ANKRD13A: variants seen among roughly 807,000 people sequenced by gnomAD.
The protein encoded by ANKRD13A is ankyrin repeat domain-containing protein 13A.
In ANKRD13A, 48 loss-of-function variants were observed where a neutral mutation model predicts 81.3. That is an observed-to-expected ratio of 0.59 (90% confidence interval 0.47 to 0.75). The LOEUF is 0.75. Ranked by LOEUF, ANKRD13A falls within the 30% of genes least tolerant of loss-of-function variation. The pLI, the probability that ANKRD13A is intolerant of heterozygous loss-of-function variation, is 0.00. For synonymous variants in ANKRD13A, 230 were observed against 270.1 expected (o/e 0.85, Z 1.45); for missense variants, 612 against 734.0 (o/e 0.83, Z 1.92).
chr12:110,007,917 T>A (rs1363683731), intron 1 of ANKRD13A, among the ~76,000 whole-genome samples: 2 of 152,228 alleles, frequency 1.3e-5, no homozygotes, highest in African/African-American at 4.8e-5. Flanking sequence ...TAATAGTTTT[T>A]TGGTGGATTC....
Position 110,012,052 on chromosome 12 carries a change from T to G in ANKRD13A, c.144T>G (p.Ala48=). Residue 48 remains alanine, a synonymous_variant, in exon 2 of 15, where the codon GCT becomes GCG. Coordinates refer to ENST00000261739, the MANE Select transcript of ANKRD13A (RefSeq NM_033121.2). ...DPRGRTLLHL[A]VSLGHLESAR... The stretch of plus-strand genomic sequence containing the variant: ...GAGGTCGAACATTATTGCATCTTGC[T>G]GTTTCCTTGGGACATTTGGAATCTG... 1 of 1,613,552 alleles carries G rather than the reference T, an allele frequency of 6.2e-7. No individual in the cohort carries two copies.
At chr12:110,015,706 C>T (rs765457198) in intron 3 of ANKRD13A, among the ~76,000 whole-genome samples, 29 of 152,128 alleles carry the variant, frequency 1.9e-4, no homozygotes, top group African/African-American at 5.8e-4. Flanking sequence ...GCCACCATGC[C>T]GAGCTAATTT....
intron 1 of ANKRD13A, among the ~76,000 whole-genome samples, chr12:110,005,726 G>A (rs1890210150): frequency 6.6e-6 from 1 of 152,160 alleles, no homozygotes; most frequent in Non-Finnish European, 1.5e-5. Context: ...AGACGAAAAT[G>A]TTTCTCCGTT....
At chr12:110,020,649 A>G (rs1645891935) in intron 6 of ANKRD13A, among the ~76,000 whole-genome samples, 1 of 152,214 alleles carries the variant, frequency 6.6e-6, no homozygotes, top group South Asian at 2.1e-4. Context: ...AGACATTTCC[A>G]GGCTTCCGCA....
At chr12:110,015,362 G>A (rs1409311079) in intron 3 of ANKRD13A, among the ~76,000 whole-genome samples, 8 of 152,238 alleles carry the variant, frequency 5.3e-5, no homozygotes, top group Admixed American at 2.6e-4. Flanking sequence ...CAAGTTGCTC[G>A]TTGAATGGAT....
At chr12:110,021,001 G>C (rs576149151) in intron 6 of ANKRD13A, 7 of 369,608 alleles carry the variant, frequency 1.9e-5, no homozygotes, top group African/African-American at 1.2e-4. Context: ...TTTGTGAAGA[G>C]AGGGTGACAA....
At position 109,999,751 on chromosome 12, in the gene ANKRD13A, C is replaced by A; in HGVS notation, c.63C>A (p.Asp21Glu). The change falls in exon 1 of 15, where the codon GAC becomes GAA. Residue 21 changes from aspartate (D) to glutamate (E), a missense_variant. Physicochemically the swap from Asp to Glu is conservative, Grantham distance 45 (BLOSUM62 2). Coordinates refer to ENST00000261739, the MANE Select transcript of ANKRD13A (RefSeq NM_033121.2). This position sits in a 1 kb window ranked among gnomAD's most constrained non-coding sequence, Gnocchi z 4.3. ...YPLHLLVWKN[D>E]YRQLEKELQG... ...TGCACCTCCTAGTCTGGAAAAACGA[C>A]TACCGGCAGCTCGAGAAGGAGCTGC... The A allele has an allele frequency of 6.5e-7, 1 of 1,532,676 alleles. No homozygotes were observed. Among genetic ancestry groups the A allele is most frequent in the South Asian group, 1.2e-5 (1 of 82,158 alleles). The allele number at this position is 1,532,676 out of a possible 1,614,324, so 94.9% of individuals were successfully genotyped here. A position where few individuals can be genotyped will look rare whatever the true frequency, so the allele number is the denominator to read the frequency against.
chr12:110,038,899 A>C lies in ANKRD13A; in HGVS notation c.*1345A>C, dbSNP rs1326227474. ...CTGCACTGAAATAACCTGGTAAACA[A>C]CACCCTCCTCCATTTTGCGTCTATT... On this transcript the variant is annotated 3_prime_UTR_variant, in exon 15 of 15. Coordinates refer to ENST00000261739, the MANE Select transcript of ANKRD13A (RefSeq NM_033121.2). 1.3e-5 allele frequency: 2 copies of C among 152,284 alleles called. No homozygotes were observed. The highest frequency in any genetic ancestry group is 2.1e-4 in the South Asian group (1 of 4,826). The allele number at this position is 152,284 out of a possible 1,614,324, so 9.4% of individuals were successfully genotyped here. A position where few individuals can be genotyped will look rare whatever the true frequency, so the allele number is the denominator to read the frequency against.
rs367868998 is a variant in ANKRD13A at position 110,013,075 on chromosome 12, G to C, written c.230-50G>C. On this transcript the variant is annotated intron_variant, in intron 2 of 14. Coordinates refer to ENST00000261739, the MANE Select transcript of ANKRD13A (RefSeq NM_033121.2). ...CTAGATACTTTTTCAGCCTGGTTTT[G>C]GAATTTGTCAGAAAGTATGAGAATT... The C allele has an allele frequency of 1.8e-5, 29 of 1,606,138 alleles. No individual in the cohort carries two copies. The African/African-American group carries it at 3.5e-4, about 19-fold the overall frequency.
Position 110,019,221 on chromosome 12 carries a change from G to A in ANKRD13A, c.627G>A (p.Glu209=). The change falls in exon 6 of 15, where the codon GAG becomes GAA. Residue 209 remains glutamate (E), a synonymous_variant. Transcript: ENST00000261739. ...TERFDLSQEM[E]RLTLDLMKPK... The stretch of plus-strand genomic sequence containing the variant: ...GCTTCGACCTTTCCCAAGAAATGGA[G>A]CGCCTCACTCTGGACTTGATGAAGC... 6.2e-7 allele frequency: 1 copy of A among 1,614,110 alleles called. No individual in the cohort carries two copies. The highest frequency in any genetic ancestry group is 8.5e-7 in the Non-Finnish European group (1 of 1,179,952).
intron 8 of ANKRD13A, 99 bp downstream of exon 8, chr12:110,025,922 G>A: frequency 9.7e-7 from 1 of 1,031,084 alleles, no homozygotes; most frequent in Non-Finnish European, 1.4e-6. Flanking sequence ...TAATGTGATT[G>A]GGTTGTGTTA....
chr12:110,037,485 GGAGCTCCGGCTCCAGGAGGAAGAGGCT>G lies in ANKRD13A; in HGVS notation c.1712_1738del (p.Arg571_Leu579del), dbSNP rs755470568. ...TCTCTGCCAAAGAGCTGGAGGAATG[GGAGCTCCGGCTCCAGGAGGAAGAGGCT>G]GAGCTCCAGCAAGTCTTACAGCTGT... On this transcript the variant is annotated inframe_deletion, in exon 15 of 15. Coordinates refer to ENST00000261739, the MANE Select transcript of ANKRD13A (RefSeq NM_033121.2). The G allele has an allele frequency of 1.9e-6, 3 of 1,614,206 alleles. No individual in the cohort carries two copies. The highest frequency in any genetic ancestry group is 2.5e-6 in the Non-Finnish European group (3 of 1,180,038).
At chr12:110,001,532 C>T (rs1280368669) in intron 1 of ANKRD13A, among the ~76,000 whole-genome samples, 2 of 151,572 alleles carry the variant, frequency 1.3e-5, no homozygotes, top group East Asian at 1.9e-4. Flanking sequence ...CTTCGCCTCC[C>T]GGGTTCCAGC....
intron 3 of ANKRD13A, among the ~76,000 whole-genome samples, chr12:110,015,901 AC>A (rs1294030121): frequency 1.3e-5 from 2 of 151,832 alleles, no homozygotes; most frequent in South Asian, 4.1e-4. Flanking sequence ...AGGTAAAATA[AC>A]ACTCTAATAT....
chr12:110,027,442 C>T, intron 8 of ANKRD13A: 1 of 405,682 alleles, frequency 2.5e-6, no homozygotes, highest in Non-Finnish European at 4.5e-6. Context: ...GGTTGGAATC[C>T]AGGTCTGGCT....
At chr12:110,010,380 C>T (rs1890457812) in intron 1 of ANKRD13A, among the ~76,000 whole-genome samples, 1 of 152,140 alleles carries the variant, frequency 6.6e-6, no homozygotes, top group Admixed American at 6.5e-5. Flanking sequence ...AATGAGTTTG[C>T]TAATTATTTC....
chr12:110,011,259 T>C (rs1025222841), intron 1 of ANKRD13A, among the ~76,000 whole-genome samples: 3 of 152,218 alleles, frequency 2.0e-5, no homozygotes, highest in Middle Eastern at 3.4e-3. Context: ...GGACACGCGG[T>C]GCAGGTGCCA....
At chr12:110,025,651 G>C (rs896871242) in intron 7 of ANKRD13A, 91 bp from the exon 8 acceptor site, 7 of 908,870 alleles carry the variant, frequency 7.7e-6, no homozygotes, top group African/African-American at 3.4e-5. Flanking sequence ...ATTGTTTTCT[G>C]TTTTTTGCTT....
intron 3 of ANKRD13A, 108 bp downstream of exon 3, chr12:110,013,357 G>A: frequency 5.9e-6 from 8 of 1,361,362 alleles, no homozygotes; most frequent in Admixed American, 2.1e-5. Flanking sequence ...TTTCTGATTC[G>A]TGAATATGAA....
Sources: gnomAD v4.1 joint callset for allele counts (sites outside exome capture counted in the v4.1 genomes callset) on GRCh38, gnomAD v4.1.1 for gene constraint, Gnocchi (gnomAD v3.1) non-coding constraint, MANE v1.5 for transcripts, NCBI Gene and HGNC (gene_info 2026-07-23, HGNC 2026-07-21) for gene names.